The following CYB5R2 variants were observed in gnomAD, a reference collection of about 807,000 sequenced individuals.
The protein encoded by CYB5R2 is cytochrome b5 reductase 2, also known as NADH-cytochrome b5 reductase 2.
Under a neutral mutation model 29.8 loss-of-function variants are expected in CYB5R2, and 35 were observed. That is an observed-to-expected ratio of 1.17 (90% confidence interval 0.90 to 1.56). The LOEUF is 1.56. Among genes scored for constraint, CYB5R2 ranks in the 40% most tolerant of loss-of-function variants. CYB5R2 has a pLI of 0.00. For synonymous variants in CYB5R2, 169 were observed against 130.6 expected, an observed-to-expected ratio of 1.29 and a Z score of -2.01; for missense variants, 419 against 346.7, an observed-to-expected ratio of 1.21 and a Z score of -1.66.
intron 7 of CYB5R2, 63 bp downstream of exon 7, chr11:7,667,665 G>GCT: frequency 1.4e-6 from 2 of 1,457,914 alleles, no homozygotes; most frequent in African/African-American, 2.8e-5. Context: ...CAGGAGAAAT[G>GCT]AAAACAAGAG....
upstream of CYB5R2, chr11:7,673,592 A>G (rs1464917154): frequency 2.0e-6 from 2 of 983,502 alleles, no homozygotes; most frequent in Non-Finnish European, 2.4e-6. Flanking sequence ...CCGGCCCCCA[A>G]CCTCCCGGTC....
chr11:7,668,966 G>A (rs1324049981), intron 5 of CYB5R2: 1 of 662,304 alleles, frequency 1.5e-6, no homozygotes, highest in East Asian at 2.9e-5. Flanking sequence ...CATTGTGCTG[G>A]AGATTTTGAT....
chr11:7,666,393 T>G, intron 8 of CYB5R2, 58 bp downstream of exon 8: 2 of 1,115,258 alleles, frequency 1.8e-6, no homozygotes, highest in South Asian at 2.5e-5. Flanking sequence ...AGACCAGTCC[T>G]CAAAGTGGTC....
intron 4 of CYB5R2, 132 bp from the exon 5 acceptor site, chr11:7,669,466 C>T (rs545456393): frequency 7.8e-6 from 10 of 1,280,508 alleles, no homozygotes; most frequent in Non-Finnish European, 1.1e-5. Flanking sequence ...GTACGCAATC[C>T]CTGAAGATGA....
intron 2 of CYB5R2, 99 bp from the exon 3 acceptor site, chr11:7,672,622 G>GCACACA (rs57207415): frequency 0.37 from 458,718 of 1,229,786 alleles, 42,418 homozygotes; most frequent in Non-Finnish European, 0.39. Flanking sequence ...CGCTATTCCA[G>GCACACA]CACACACACA....
chr11:7,669,931 C>A, intron 3 of CYB5R2, 200 bp from the exon 4 acceptor site: 1 of 563,392 alleles, frequency 1.8e-6, no homozygotes, highest in Admixed American at 3.3e-5. Context: ...CTACCCTAGG[C>A]AAGTCACTTC....
At chr11:7,669,594 G>A (rs373481955) in intron 4 of CYB5R2, 31 bp downstream of exon 4, 8 of 1,517,754 alleles carry the variant, frequency 5.3e-6, no homozygotes, top group African/African-American at 2.8e-5. Context: ...TTGGAAGCAC[G>A]AGCTAGCCAG....
chr11:7,669,325 T>C lies in CYB5R2; in HGVS notation c.268A>G (p.Lys90Glu). ...TCAGGATATTGGGGGTGTACATTTT[T>C]GAAGTAGATCTGAAAAGCAAGGCAG... ...FVDLIIKIYFKNVHPQYPEGG... is the reference protein window; with the variant it reads ...FVDLIIKIYFENVHPQYPEGG... The change falls in exon 5 of 9, where the codon AAA (lysine) becomes GAA (glutamate). Residue 90 changes from lysine to glutamate, a missense_variant. Lys to Glu is a moderately conservative substitution (Grantham distance 56). Coordinates refer to ENST00000299498, the MANE Select transcript of CYB5R2 (RefSeq NM_016229.5). The C allele has an allele frequency of 6.2e-7, 1 of 1,611,448 alleles. No homozygotes were observed. The highest frequency in any genetic ancestry group is 8.5e-7 in the Non-Finnish European group (1 of 1,178,474).
intron 8 of CYB5R2, chr11:7,666,093 C>T (rs965017746): frequency 4.7e-6 from 3 of 638,552 alleles, no homozygotes; most frequent in South Asian, 3.5e-5. Context: ...GTGTGGTGGC[C>T]GTAAGCAGAA....
chr11:7,673,134 G>T (rs55675471), intron 1 of CYB5R2: 184 of 435,232 alleles, frequency 4.2e-4, no homozygotes, highest in Non-Finnish European at 7.0e-4. Context: ...GGAGCAGGCA[G>T]CACACATGGC....
chr11:7,668,503 G>T lies in CYB5R2; in HGVS notation c.447C>A (p.His149Gln). ...CTGTGCCCCCAGCAATCATTCCCAGGTGATCGGCCAGTGTTTTTTTAGGCT... is the reference window on the plus strand; with the variant it reads ...CTGTGCCCCCAGCAATCATTCCCAGTTGATCGGCCAGTGTTTTTTTAGGCT... ...TSEPKKTLAD[H>Q]LGMIAGGTGI... Residue 149 changes from histidine (H) to glutamine (Q), a missense_variant, in exon 6 of 9, where the codon CAC becomes CAA. Transcript: ENST00000299498. 1 of 1,614,086 alleles carries T rather than the reference G, an allele frequency of 6.2e-7. No individual in the cohort carries two copies.
chr11:7,668,349 T>A, intron 6 of CYB5R2, 129 bp downstream of exon 6: 1 of 790,228 alleles, frequency 1.3e-6, no homozygotes, highest in Non-Finnish European at 2.3e-6. Context: ...CTGTCACTGG[T>A]TCATCGTTCC....
intron 6 of CYB5R2, 128 bp downstream of exon 6, chr11:7,668,350 T>C (rs1413605464): frequency 1.3e-6 from 1 of 793,174 alleles, no homozygotes; most frequent in Non-Finnish European, 2.3e-6. Context: ...TGTCACTGGT[T>C]CATCGTTCCC....
intron 8 of CYB5R2, 25 bp downstream of exon 8, chr11:7,666,426 T>C (rs1451199357): frequency 1.4e-6 from 2 of 1,478,638 alleles, no homozygotes; most frequent in Non-Finnish European, 1.9e-6. Flanking sequence ...TGACCCATGG[T>C]GAGTGAGGGC....
At position 7,665,316 on chromosome 11, in the gene CYB5R2, G is replaced by A. The variant is rs1315134941; in HGVS notation, c.*58C>T. On this transcript the variant is annotated 3_prime_UTR_variant, in exon 9 of 9. Transcript: ENST00000299498. ...CATCCCAGTTTACCGTGGTGAAATT[G>A]AACTTACTCTGAAACAGATGAAAAG... 15 of 1,373,034 alleles carry A rather than the reference G, an allele frequency of 1.1e-5. No homozygotes were observed. Among genetic ancestry groups the A allele is most frequent in the Non-Finnish European group, 1.5e-5 (15 of 1,024,610 alleles). The allele number at this position is 1,373,034 out of a possible 1,614,324, so 85.1% of individuals were successfully genotyped here. A position where few individuals can be genotyped will look rare whatever the true frequency, so the allele number is the denominator to read the frequency against.
chr11:7,669,547 A>G (rs1020228718), intron 4 of CYB5R2, 78 bp downstream of exon 4: 1 of 1,302,116 alleles, frequency 7.7e-7, no homozygotes, highest in African/African-American at 1.5e-5. Flanking sequence ...CCTCAGAGAA[A>G]AAGCACTGCC....
chr11:7,669,597 C>T (rs1260216933), intron 4 of CYB5R2, 28 bp downstream of exon 4: 3 of 1,529,254 alleles, frequency 2.0e-6, no homozygotes, highest in African/African-American at 1.4e-5. Context: ...GAAGCACGAG[C>T]TAGCCAGATA....
intron 6 of CYB5R2, among the ~76,000 whole-genome samples, chr11:7,668,019 G>A (rs528683381): frequency 9.8e-5 from 15 of 152,352 alleles, no homozygotes; most frequent in South Asian, 8.3e-4. Flanking sequence ...ATTTTCATAT[G>A]GCAAGATGGA....
At chr11:7,674,255 G>A (rs964954298), upstream of CYB5R2, 51 of 1,288,862 alleles carry the variant, frequency 4.0e-5, no homozygotes, top group Non-Finnish European at 5.2e-5. Flanking sequence ...GGCCTGGTCC[G>A]GGGCGGGTGT....
Sources: allele counts gnomAD v4.1 joint callset (sites outside exome capture counted in the v4.1 genomes callset), GRCh38; gene constraint gnomAD v4.1.1; transcripts MANE v1.5; gene names NCBI Gene and HGNC (gene_info 2026-07-23, HGNC 2026-07-21).